The following SAE1 variants were observed in gnomAD, a reference collection of about 807,000 sequenced individuals.
SAE1 encodes the protein SUMO-activating enzyme subunit 1.
Under a neutral mutation model 40.6 loss-of-function variants are expected in SAE1, and 11 were observed. That is an observed-to-expected ratio of 0.27 (90% CI 0.17 to 0.45). The LOEUF is 0.45. Among genes scored for constraint, SAE1 ranks in the 20% least tolerant of loss-of-function variants. The pLI is 1.00. For synonymous variants in SAE1, 155 were observed against 154.3 expected (o/e 1.00, Z -0.03); for missense variants, 373 against 427.3 (o/e 0.87, Z 1.12).
At chr19:47,180,928 G>A (rs1279853657) in intron 6 of SAE1, among the ~76,000 whole-genome samples, 1 of 152,212 alleles carries the variant, frequency 6.6e-6, no homozygotes, top group African/African-American at 2.4e-5. Context: ...TGGACAGTTA[G>A]ACCTCATGCC....
chr19:47,187,022 G>C (rs961833207), intron 6 of SAE1, among the ~76,000 whole-genome samples: 2 of 152,198 alleles, frequency 1.3e-5, no homozygotes, highest in Non-Finnish European at 2.9e-5. Flanking sequence ...AGGGGTGGAG[G>C]GGGGGTGCTC....
intron 8 of SAE1, among the ~76,000 whole-genome samples, chr19:47,207,333 A>G (rs925613846): frequency 2.6e-5 from 4 of 152,206 alleles, no homozygotes; most frequent in Non-Finnish European, 4.4e-5. Context: ...TGTTTTATGG[A>G]TGAGGAAAAG....
intron 1 of SAE1, 70 bp downstream of exon 1, chr19:47,131,098 G>T: frequency 6.9e-7 from 1 of 1,452,262 alleles, no homozygotes. Context: ...TTTGCGGCCC[G>T]GAAGGAGCGG....
Position 47,130,871 on chromosome 19 carries a change from C to T in SAE1, c.-60C>T, listed in dbSNP as rs768561660. ...GCTGCCGGCGGCGGTAGGTGGCGCG[C>T]GGGTCCGGCGGGCGGTTGGCTTGAG... On this transcript the variant is annotated 5_prime_UTR_variant, in exon 1 of 9. Transcript: ENST00000270225. 32 of 1,543,934 alleles carry T rather than the reference C, an allele frequency of 2.1e-5. No individual in the cohort carries two copies. Among genetic ancestry groups the T allele is most frequent in the Non-Finnish European group, 2.7e-5 (31 of 1,144,594 alleles).
chr19:47,146,548 G>A (rs1361628463), intron 2 of SAE1, among the ~76,000 whole-genome samples: 2 of 152,188 alleles, frequency 1.3e-5, no homozygotes, highest in South Asian at 2.1e-4. Context: ...AGCTGACACT[G>A]AAGGGGCTAG....
intron 5 of SAE1, among the ~76,000 whole-genome samples, chr19:47,158,559 A>G (rs575781975): frequency 1.3e-4 from 20 of 152,190 alleles, no homozygotes; most frequent in Non-Finnish European, 2.5e-4. Flanking sequence ...GTGAGGGACA[A>G]GCTTTCCAGG....
intron 6 of SAE1, among the ~76,000 whole-genome samples, chr19:47,174,030 C>T (rs1374606157): frequency 5.3e-5 from 8 of 151,838 alleles, no homozygotes; most frequent in Non-Finnish European, 7.4e-5. Flanking sequence ...GTGATCCACC[C>T]GCCTCGGCCT....
intron 8 of SAE1, among the ~76,000 whole-genome samples, chr19:47,208,039 C>A (rs957629940): frequency 2.0e-5 from 3 of 152,150 alleles, no homozygotes; most frequent in Non-Finnish European, 4.4e-5. Flanking sequence ...CAGCCCTGAC[C>A]CCCTGTGGAA....
intron 1 of SAE1, among the ~76,000 whole-genome samples, chr19:47,131,842 A>G (rs2058145756): frequency 6.6e-6 from 1 of 150,898 alleles, no homozygotes; most frequent in African/African-American, 2.4e-5. Flanking sequence ...CTGGGATTAT[A>G]GGGGCCCGCC....
chr19:47,192,752 C>G (rs2058587360), intron 6 of SAE1, among the ~76,000 whole-genome samples: 1 of 152,028 alleles, frequency 6.6e-6, no homozygotes, highest in East Asian at 1.9e-4. Context: ...GTTGGCCAGG[C>G]TGGTCTCAAA....
At chr19:47,161,152 T>C (rs2058357439) in intron 5 of SAE1, among the ~76,000 whole-genome samples, 1 of 150,534 alleles carries the variant, frequency 6.6e-6, no homozygotes. Flanking sequence ...ACCACAGGCA[T>C]GTGCCACCAT....
intron 6 of SAE1, among the ~76,000 whole-genome samples, chr19:47,183,155 A>T (rs558147420): frequency 1.8e-3 from 278 of 152,200 alleles, no homozygotes; most frequent in Non-Finnish European, 3.5e-3. Context: ...ACCTCAGGTG[A>T]TCCACCCACC....
At chr19:47,162,374 T>C (rs779344924) in intron 5 of SAE1, among the ~76,000 whole-genome samples, 5 of 152,208 alleles carry the variant, frequency 3.3e-5, no homozygotes, top group Admixed American at 1.3e-4. Flanking sequence ...GGAGTAAAAT[T>C]AAGATAAGGG....
intron 7 of SAE1, among the ~76,000 whole-genome samples, chr19:47,198,561 A>G (rs1197806328): frequency 6.6e-6 from 1 of 152,176 alleles, no homozygotes; most frequent in African/African-American, 2.4e-5. Flanking sequence ...GCTGTTATGT[A>G]CTAGGCATCA....
At chr19:47,134,645 A>G (rs1293803549) in intron 1 of SAE1, among the ~76,000 whole-genome samples, 2 of 152,040 alleles carry the variant, frequency 1.3e-5, no homozygotes, top group Non-Finnish European at 2.9e-5. Context: ...AAGGTACTGG[A>G]AGGGTTAATC....
chr19:47,174,787 A>G (rs1393079984), intron 6 of SAE1, among the ~76,000 whole-genome samples: 1 of 151,132 alleles, frequency 6.6e-6, no homozygotes, highest in African/African-American at 2.4e-5. Context: ...GTTAGCCAGG[A>G]TGGTCTCGAT....
rs530963000 is a variant in SAE1 at position 47,139,106 on chromosome 19, C to T, written c.99-4388C>T. On this transcript the variant is annotated intron_variant, in intron 1 of 8. Coordinates refer to ENST00000270225, the MANE Select transcript of SAE1 (RefSeq NM_005500.3). Reference sequence around the variant, plus strand: ...AGCTGGGACTACAGGCACGTGCCACCACGCCTGGCTAATTTTTGTATTTTG... The same window carrying T: ...AGCTGGGACTACAGGCACGTGCCACTACGCCTGGCTAATTTTTGTATTTTG... Among the ~76,000 whole-genome samples the T allele has an allele frequency of 5.9e-5, 9 of 152,286 alleles. No homozygotes were observed. In the East Asian group the frequency reaches 1.7e-3, roughly 29 times the overall value.
Position 47,130,888 on chromosome 19 carries a change from T to C in SAE1, c.-43T>C. ...GTGGCGCGCGGGTCCGGCGGGCGGT[T>C]GGCTTGAGCGGGACCGGAGCTGAGG... On this transcript the variant is annotated 5_prime_UTR_variant, in exon 1 of 9. Transcript: ENST00000270225. 6.5e-7 allele frequency: 1 copy of C among 1,546,400 alleles called. No individual in the cohort carries two copies. Among genetic ancestry groups the C allele is most frequent in the Non-Finnish European group, 8.7e-7 (1 of 1,145,522 alleles).
intron 8 of SAE1, among the ~76,000 whole-genome samples, chr19:47,204,808 T>G (rs1838652774): frequency 6.6e-6 from 1 of 152,072 alleles, no homozygotes; most frequent in African/African-American, 2.4e-5. Flanking sequence ...GCCCCCGTCT[T>G]TTTAACCACA....
Sources: allele counts gnomAD v4.1 joint callset (sites outside exome capture counted in the v4.1 genomes callset), GRCh38; gene constraint gnomAD v4.1.1; transcripts MANE v1.5; gene names NCBI Gene and HGNC (gene_info 2026-07-23, HGNC 2026-07-21).